The following SARS1 variants were observed in gnomAD, a reference collection of about 807,000 sequenced individuals.
SARS1 encodes seryl-tRNA synthetase 1.
Under a neutral mutation model 63.7 loss-of-function variants are expected in SARS1, and 25 were observed. The observed-to-expected ratio is 0.39, with a 90% CI of 0.29 to 0.55. The LOEUF is 0.55. Among genes scored for constraint, SARS1 ranks in the 20% least tolerant of loss-of-function variants. The probability of loss-of-function intolerance (pLI) is 0.62; values close to 1 mark genes in which losing one functional copy is unlikely to be tolerated. For missense variants in SARS1, 417 were observed against 649.7 expected, an observed-to-expected ratio of 0.64 and a Z score of 3.89; for synonymous variants, 231 against 243.5, an observed-to-expected ratio of 0.95 and a Z score of 0.48.
chr1:109,220,817 T>C (rs1380291375), intron 1 of SARS1, among the ~76,000 whole-genome samples: 2 of 152,166 alleles, frequency 1.3e-5, no homozygotes, highest in African/African-American at 4.8e-5. Context: ...TGTTATGTCT[T>C]AACCTTCAGA....
Position 109,235,436 on chromosome 1 carries a change from G to A in SARS1, c.969+5G>A, listed in dbSNP as rs1655288575. ...CGAGTCCATCAGTTTGAGAAGGTGAGTAGATGGGTCAGGGTAAGGAGTGGA... is the reference window on the plus strand; with the variant it reads ...CGAGTCCATCAGTTTGAGAAGGTGAATAGATGGGTCAGGGTAAGGAGTGGA... On this transcript the variant is annotated splice_donor_5th_base_variant and intron_variant, in intron 7 of 10. Coordinates refer to ENST00000234677, the MANE Select transcript of SARS1 (RefSeq NM_006513.4). The surrounding 1 kb of genome is among the most constrained non-coding windows in gnomAD (Gnocchi z 4.7). The A allele has an allele frequency of 6.8e-6, 11 of 1,608,744 alleles. No homozygotes were observed. The highest frequency in any genetic ancestry group is 9.3e-6 in the Non-Finnish European group (11 of 1,178,068).
At chr1:109,219,330 A>G (rs1187483710) in intron 1 of SARS1, among the ~76,000 whole-genome samples, 2 of 52,076 alleles carry the variant, frequency 3.8e-5, no homozygotes, top group Non-Finnish European at 9.5e-5. Context: ...ATATTTATAT[A>G]CACACTATAT....
intron 1 of SARS1, among the ~76,000 whole-genome samples, chr1:109,221,983 T>C (rs1570755552): frequency 8.1e-3 from 51 of 6,288 alleles, no homozygotes; most frequent in Non-Finnish European, 0.017. Flanking sequence ...TATATATATA[T>C]ATATATATAT....
At position 109,229,574 on chromosome 1, in the gene SARS1, T is replaced by C; in HGVS notation, c.447+2T>C. Reference sequence around the variant, plus strand: ...TCTGTACCCATCAGTAACGATGAGGTAGGTGGCTGTGCCGCAGCAGGAGGC... The same window carrying C: ...TCTGTACCCATCAGTAACGATGAGGCAGGTGGCTGTGCCGCAGCAGGAGGC... On this transcript the variant is annotated splice_donor_variant, in intron 4 of 10. Transcript: ENST00000234677. LOFTEE classifies it high-confidence loss of function. 1 of 1,606,720 alleles carries C rather than the reference T, an allele frequency of 6.2e-7. No individual in the cohort carries two copies. The highest frequency in any genetic ancestry group is 8.5e-7 in the Non-Finnish European group (1 of 1,176,202).
At chr1:109,218,291 C>T (rs902672920) in intron 1 of SARS1, among the ~76,000 whole-genome samples, 11 of 149,626 alleles carry the variant, frequency 7.4e-5, no homozygotes, top group South Asian at 2.1e-4. Flanking sequence ...TGCTTGAACC[C>T]GGGAAGCGGA....
chr1:109,222,974 C>T (rs1313068167), intron 1 of SARS1, among the ~76,000 whole-genome samples: 1 of 152,216 alleles, frequency 6.6e-6, no homozygotes, highest in Non-Finnish European at 1.5e-5. Flanking sequence ...GAGGTCGTGC[C>T]ACTGCACTCC....
chr1:109,222,017 T>A (rs1339231215), intron 1 of SARS1, among the ~76,000 whole-genome samples: 80 of 63,464 alleles, frequency 1.3e-3, no homozygotes, highest in African/African-American at 6.8e-3. Flanking sequence ...TATATTTTTT[T>A]TTTTTTTTTT....
intron 4 of SARS1, 119 bp from the exon 5 acceptor site, chr1:109,230,759 T>G (rs1273584090): frequency 6.1e-6 from 5 of 818,450 alleles, no homozygotes; most frequent in Admixed American, 3.1e-5. Flanking sequence ...GAGCCAAGAT[T>G]GTGCCATTGC....
intron 4 of SARS1, 30 bp from the exon 5 acceptor site, chr1:109,230,848 G>A (rs1173779212): frequency 2.6e-6 from 4 of 1,567,852 alleles, no homozygotes; most frequent in Admixed American, 3.6e-5. Flanking sequence ...CATATGTCTT[G>A]TATGTCTCTT....
At position 109,237,806 on chromosome 1, in the gene SARS1, A is replaced by G. The variant is rs779850494; in HGVS notation, c.1463A>G (p.His488Arg). The G allele has an allele frequency of 1.5e-5, 24 of 1,614,232 alleles. No individual in the cohort carries two copies. Among genetic ancestry groups the G allele is most frequent in the Non-Finnish European group, 1.9e-5 (22 of 1,180,034 alleles). The change falls in exon 11 of 11, where the codon CAT (histidine) becomes CGT (arginine). Residue 488 changes from histidine (H) to arginine (R), a missense_variant. Physicochemically the swap from His to Arg is conservative, Grantham distance 29. Around this residue, in one of 3 missense-constraint regions of SARS1, gnomAD observed 43 missense variants for 68.1 expected, o/e 0.63. Transcript: ENST00000234677. The surrounding 1 kb of genome is among the most constrained non-coding windows in gnomAD (Gnocchi z 4.1). ...QEPSKKQKKQ[H>R]EGSKKKAAAR... ...CCATCAAAGAAGCAGAAGAAGCAAC[A>G]TGAGGGCAGCAAAAAGAAAGCAGCA...
At position 109,235,833 on chromosome 1, in the gene SARS1, TG is replaced by T; in HGVS notation, c.970-142del. 1 of 747,448 alleles carries T rather than the reference TG, an allele frequency of 1.3e-6. No individual in the cohort carries two copies. Among genetic ancestry groups the T allele is most frequent in the Non-Finnish European group, 2.2e-6 (1 of 451,432 alleles). 46.3% of individuals were successfully genotyped at this position (747,448 alleles called of 1,614,324 possible). A position where few individuals can be genotyped will look rare whatever the true frequency, so the allele number is the denominator to read the frequency against. ...CTCGCACCATAAGCATTTGCTCTTG[TG>T]GTCCAGTCCCAGTTGCTGGGGGCCC... is the stretch of plus-strand genomic sequence containing the variant. On this transcript the variant is annotated intron_variant, in intron 7 of 10. Transcript: ENST00000234677. The surrounding 1 kb of genome is among the most constrained non-coding windows in gnomAD (Gnocchi z 4.7).
intron 1 of SARS1, among the ~76,000 whole-genome samples, chr1:109,217,921 G>A (rs1327074905): frequency 1.3e-5 from 2 of 152,088 alleles, no homozygotes; most frequent in East Asian, 1.9e-4. Flanking sequence ...GCCCGGTGCG[G>A]TGACTCACTC....
intron 1 of SARS1, among the ~76,000 whole-genome samples, chr1:109,219,625 G>A (rs756755229): frequency 6.6e-6 from 1 of 151,232 alleles, no homozygotes; most frequent in Non-Finnish European, 1.5e-5. Flanking sequence ...CCATTCTCCT[G>A]CCTCAGCCTC....
In SARS1 at chr1:109,214,459, C is replaced by A; in HGVS notation, c.136+331C>A. 2 of 952,688 alleles carry A rather than the reference C, an allele frequency of 2.1e-6. No homozygotes were observed. The highest frequency in any genetic ancestry group is 3.3e-5 in the South Asian group (1 of 30,642). 59.0% of individuals were successfully genotyped at this position (952,688 alleles called of 1,614,324 possible). On this transcript the variant is annotated intron_variant, in intron 1 of 10. Coordinates refer to ENST00000234677, the MANE Select transcript of SARS1 (RefSeq NM_006513.4). The surrounding 1 kb of genome is among the most constrained non-coding windows in gnomAD (Gnocchi z 4.6). ...CCGGGGCGGGAGGTTGTGGGGTCTACGCGGCTTTCCTAACACGAATCTTTG... is the reference window on the plus strand; with the variant it reads ...CCGGGGCGGGAGGTTGTGGGGTCTAAGCGGCTTTCCTAACACGAATCTTTG...
chr1:109,236,205 C>T, intron 8 of SARS1, 99 bp downstream of exon 8: 3 of 1,414,238 alleles, frequency 2.1e-6, no homozygotes, highest in East Asian at 2.3e-5. Flanking sequence ...CACAATTCAA[C>T]TCATTGCCCA....
intron 9 of SARS1, chr1:109,236,891 T>A (rs1166383693): frequency 6.3e-7 from 1 of 1,583,564 alleles, no homozygotes; most frequent in South Asian, 1.2e-5. Flanking sequence ...TAAGCTGCTC[T>A]CTTCAAACCC....
At chr1:109,226,677 A>AAAATATATATATAT (rs1178056468) in intron 2 of SARS1, among the ~76,000 whole-genome samples, 5 of 44,954 alleles carry the variant, frequency 1.1e-4, no homozygotes, top group African/African-American at 4.1e-4. Flanking sequence ...AAAAAAAAAA[A>AAAATATATATATAT]ATATATATAT....
At chr1:109,216,553 G>C (rs1654793209) in intron 1 of SARS1, 6 of 984,870 alleles carry the variant, frequency 6.1e-6, no homozygotes, top group Non-Finnish European at 7.2e-6. Context: ...CAAACCCCAA[G>C]AATTTTATCC....
chr1:109,219,649 A>C (rs1336369011), intron 1 of SARS1, among the ~76,000 whole-genome samples: 1 of 151,556 alleles, frequency 6.6e-6, no homozygotes, highest in African/African-American at 2.4e-5. Context: ...AGTAGCTGGG[A>C]TGACAGGCAC....
Sources: gnomAD v4.1 joint callset for allele counts (sites outside exome capture counted in the v4.1 genomes callset) on GRCh38, gnomAD v4.1.1 for gene constraint, gnomAD v4.1.1 regional missense constraint, Gnocchi (gnomAD v3.1) non-coding constraint, MANE v1.5 for transcripts, NCBI Gene and HGNC (gene_info 2026-07-23, HGNC 2026-07-21) for gene names.